HS6ST2: variants seen among roughly 807,000 people sequenced by gnomAD.
The protein encoded by HS6ST2 is heparan-sulfate 6-O-sulfotransferase 2.
Under a neutral mutation model 33.0 loss-of-function variants are expected in HS6ST2, and 17 were observed. The ratio of observed to expected loss-of-function variants is 0.52; its 90% CI spans 0.35 to 0.77. The LOEUF is 0.77. HS6ST2 is among the 30% of genes least tolerant of loss of function. The pLI, the probability that HS6ST2 is intolerant of heterozygous loss-of-function variation, is 0.01. For missense variants in HS6ST2, 519 were observed against 551.7 expected (o/e 0.94, Z 0.59); for synonymous variants, 248 against 237.1 (o/e 1.05, Z -0.42).
intron 2 of HS6ST2, among the ~76,000 whole-genome samples, chrX:132,802,583 G>A (rs987599359): frequency 1.1e-4 from 12 of 111,113 alleles, no homozygotes; most frequent in African/African-American, 3.6e-4. Flanking sequence ...AAGATGACTC[G>A]TGGCTAAACT....
At chrX:132,866,031 GT>G (rs2065974807) in intron 2 of HS6ST2, among the ~76,000 whole-genome samples, 1 of 111,480 alleles carries the variant, frequency 9.0e-6, no homozygotes, top group Non-Finnish European at 1.9e-5. Flanking sequence ...TGCTTTTGGT[GT>G]TTTAGACATG....
intron 2 of HS6ST2, among the ~76,000 whole-genome samples, chrX:132,811,681 GAATAATATATATATATATATATAT>G (rs2065345623): frequency 4.0e-5 from 1 of 25,041 alleles, no homozygotes; most frequent in African/African-American, 1.6e-4. Flanking sequence ...TTTAAAGGCT[GAATAATATATATATATATATATAT>G]ATATATATAT....
chrX:132,791,513 C>G (rs955042586), intron 2 of HS6ST2, among the ~76,000 whole-genome samples: 2 of 112,046 alleles, frequency 1.8e-5, no homozygotes, highest in Non-Finnish European at 3.8e-5. Context: ...TGTCCATCAA[C>G]AATGGTTAGA....
At chrX:132,693,989 A>C (rs2064085699) in intron 3 of HS6ST2, among the ~76,000 whole-genome samples, 1 of 112,109 alleles carries the variant, frequency 8.9e-6, no homozygotes, top group Non-Finnish European at 1.9e-5. Context: ...AAAACTGAGA[A>C]AGCAATCACA....
At position 132,871,583 on chromosome X, in the gene HS6ST2, T is replaced by C. The variant is rs764272452; in HGVS notation, c.947+85225A>G. Among the ~76,000 whole-genome samples the C allele has an allele frequency of 4.5e-5, 5 of 112,015 alleles. No individual in the cohort carries two copies. The South Asian group carries it at 1.9e-3, about 42-fold the overall frequency. On this transcript the variant is annotated intron_variant, in intron 2 of 4. Coordinates refer to ENST00000370833, the MANE Select transcript of HS6ST2 (RefSeq NM_001394073.1). ...AAGAAAATGTGGCACATATACACCA[T>C]GGAATACTATGCAGCCAGAAAAAGG...
intron 2 of HS6ST2, among the ~76,000 whole-genome samples, chrX:132,727,543 T>C (rs2064407833): frequency 9.0e-6 from 1 of 111,636 alleles, no homozygotes; most frequent in Non-Finnish European, 1.9e-5. Context: ...TTGGGTTCCT[T>C]ATTCCACACA....
intron 2 of HS6ST2, among the ~76,000 whole-genome samples, chrX:132,866,252 T>C (rs769783813): frequency 1.8e-5 from 2 of 111,463 alleles, no homozygotes; most frequent in African/African-American, 3.3e-5. Flanking sequence ...TTCCCCATTG[T>C]TTGTTTTTCT....
At chrX:132,740,264 T>C (rs1408403309) in intron 2 of HS6ST2, among the ~76,000 whole-genome samples, 1 of 112,798 alleles carries the variant, frequency 8.9e-6, no homozygotes, top group African/African-American at 3.2e-5. Context: ...GTTGATTTTT[T>C]GCCTTTTGTT....
rs2067078785 is a variant in HS6ST2, at chrX:132,956,811, G to A, written c.944C>T (p.Ser315Phe). The change falls in exon 2 of 5, where the codon TCC becomes TTC. Residue 315 changes from serine to phenylalanine, a missense_variant. Transcript: ENST00000370833. Reference protein sequence around the residue: ...DGKRDARLRPSRWRIFQILDA... With the variant: ...DGKRDARLRPFRWRIFQILDA... ...TCGACTACCGGCGCGCACTCACCTGGACGGTCTCAGCCTGGCGTCGCGCTT... is the reference window on the plus strand; with the variant it reads ...TCGACTACCGGCGCGCACTCACCTGAACGGTCTCAGCCTGGCGTCGCGCTT... 1.7e-6 allele frequency: 2 copies of A among 1,166,673 alleles called. No homozygotes were observed. Among genetic ancestry groups the A allele is most frequent in the Non-Finnish European group, 2.3e-6 (2 of 872,873 alleles).
intron 4 of HS6ST2, among the ~76,000 whole-genome samples, chrX:132,644,483 T>A (rs748807875): frequency 9.9e-5 from 11 of 111,151 alleles, no homozygotes; most frequent in Non-Finnish European, 1.9e-4. Context: ...AGAACCCAGG[T>A]TTCCTAACTC....
intron 2 of HS6ST2, among the ~76,000 whole-genome samples, chrX:132,809,995 G>A (rs2065324649): frequency 8.9e-6 from 1 of 111,875 alleles, no homozygotes; most frequent in African/African-American, 3.2e-5. Context: ...AGAAGAATAA[G>A]TGCTCCCTTC....
At chrX:132,757,932 G>T (rs1392815941) in intron 2 of HS6ST2, among the ~76,000 whole-genome samples, 1 of 111,972 alleles carries the variant, frequency 8.9e-6, no homozygotes, top group Non-Finnish European at 1.9e-5. Flanking sequence ...GGAACAGAAA[G>T]GGCTAATTCA....
intron 2 of HS6ST2, among the ~76,000 whole-genome samples, chrX:132,794,112 G>T (rs1395170834): frequency 8.9e-6 from 1 of 112,499 alleles, no homozygotes; most frequent in Non-Finnish European, 1.9e-5. Context: ...AAATTTGAAT[G>T]CAAAATAGAT....
At chrX:132,829,848 A>G (rs1010504974) in intron 2 of HS6ST2, among the ~76,000 whole-genome samples, 2 of 111,961 alleles carry the variant, frequency 1.8e-5, no homozygotes, top group Admixed American at 9.5e-5. Flanking sequence ...AGCAGGATAC[A>G]AAAGCTTATT....
At chrX:132,862,948 T>C (rs1240213540) in intron 2 of HS6ST2, among the ~76,000 whole-genome samples, 4 of 112,095 alleles carry the variant, frequency 3.6e-5, no homozygotes, top group Non-Finnish European at 7.5e-5. Flanking sequence ...TAGAAATCAA[T>C]GGCTGAGGAA....
intron 3 of HS6ST2, among the ~76,000 whole-genome samples, chrX:132,681,895 C>G (rs1321516673): frequency 1.8e-5 from 2 of 112,489 alleles, no homozygotes; most frequent in Non-Finnish European, 3.7e-5. Flanking sequence ...CAAGATGTCA[C>G]TGTCTGGAGG....
At chrX:132,883,087 C>CT (rs569409601) in intron 2 of HS6ST2, among the ~76,000 whole-genome samples, 7 of 107,752 alleles carry the variant, frequency 6.5e-5, no homozygotes, top group Admixed American at 2.0e-4. Context: ...CTAAAATTCT[C>CT]TTTTTTTTTG....
At chrX:132,877,635 G>T (rs1362382780) in intron 2 of HS6ST2, among the ~76,000 whole-genome samples, 1 of 111,152 alleles carries the variant, frequency 9.0e-6, no homozygotes, top group Non-Finnish European at 1.9e-5. Context: ...GGTATAATAA[G>T]GAAGGTTGTT....
chrX:132,943,669 T>C (rs370976522), intron 2 of HS6ST2, among the ~76,000 whole-genome samples: 1 of 111,297 alleles, frequency 9.0e-6, no homozygotes, highest in East Asian at 2.8e-4. Context: ...CATGATCAAG[T>C]GGGCTTCATC....
Sources: allele counts gnomAD v4.1 joint callset (sites outside exome capture counted in the v4.1 genomes callset), GRCh38; gene constraint gnomAD v4.1.1; transcripts MANE v1.5; gene names NCBI Gene and HGNC (gene_info 2026-07-23, HGNC 2026-07-21).